The following CSMD1 variants were observed in gnomAD, a reference collection of about 807,000 sequenced individuals.
CSMD1 encodes CUB and sushi domain-containing protein 1.
Under a neutral mutation model 417.5 loss-of-function variants are expected in CSMD1, and 213 were observed. The ratio of observed to expected loss-of-function variants is 0.51; its 90% CI spans 0.46 to 0.57. The LOEUF is 0.57. CSMD1 is among the 20% of genes least tolerant of loss of function. CSMD1 has a pLI of 0.00. For synonymous variants in CSMD1, 2,862 were observed against 1,736.8 expected, an observed-to-expected ratio of 1.65 and a Z score of -16.11; for missense variants, 6,923 against 4,529.7, an observed-to-expected ratio of 1.53 and a Z score of -15.17.
At chr8:3,254,312 T>C (rs1224991296) in intron 26 of CSMD1, among the ~76,000 whole-genome samples, 2 of 152,202 alleles carry the variant, frequency 1.3e-5, no homozygotes, top group Admixed American at 6.5e-5. Context: ...TTAACATTTT[T>C]TCCTTCATTT....
At chr8:3,665,759 T>C (rs996320209) in intron 7 of CSMD1, among the ~76,000 whole-genome samples, 8 of 152,312 alleles carry the variant, frequency 5.3e-5, no homozygotes, top group Middle Eastern at 6.8e-3. Flanking sequence ...AAGGTGTTTA[T>C]CCAAGGCAGT....
In CSMD1 at chr8:4,231,233, G is replaced by A. The variant is rs553461848; in HGVS notation, c.415+188720C>T. On this transcript the variant is annotated intron_variant, in intron 3 of 69. Transcript: ENST00000635120. ...AGGCATTGTCTTATCCCTCTTTGAG[G>A]TTACTGCCGCCATCATGGAAGGAAG... Among the ~76,000 whole-genome samples the A allele has an allele frequency of 1.5e-4, 23 of 152,256 alleles. 1 individual carries two copies. Among genetic ancestry groups the A allele is most frequent in the South Asian group, 1.5e-3 (7 of 4,816 alleles).
At chr8:4,297,953 C>T (rs79954446) in intron 3 of CSMD1, among the ~76,000 whole-genome samples, 365 of 152,180 alleles carry the variant, frequency 2.4e-3, no homozygotes, top group Middle Eastern at 6.8e-3. Context: ...GGCTAGGTGA[C>T]GGATTACCTG....
intron 49 of CSMD1, among the ~76,000 whole-genome samples, chr8:3,069,328 G>A (rs910421397): frequency 9.9e-5 from 15 of 151,860 alleles, no homozygotes; most frequent in Non-Finnish European, 2.1e-4. Flanking sequence ...CCAGCTACTC[G>A]GGAGGCTAAG....
intron 37 of CSMD1, among the ~76,000 whole-genome samples, chr8:3,168,919 T>TTC (rs57348944): frequency 1.9e-4 from 28 of 150,436 alleles, no homozygotes; most frequent in African/African-American, 6.1e-4. Context: ...AAGTAAAATG[T>TTC]TCTCTCTCTC....
At chr8:3,948,350 T>C (rs962766814) in intron 5 of CSMD1, among the ~76,000 whole-genome samples, 2 of 152,130 alleles carry the variant, frequency 1.3e-5, no homozygotes, top group Non-Finnish European at 2.9e-5. Flanking sequence ...GAGGCTTTAA[T>C]AAATGACTGA....
At chr8:3,730,670 C>G (rs1802792355) in intron 6 of CSMD1, among the ~76,000 whole-genome samples, 2 of 152,178 alleles carry the variant, frequency 1.3e-5, no homozygotes, top group African/African-American at 4.8e-5. Flanking sequence ...CCTTCACCAG[C>G]ATTTACTAAC....
At chr8:4,061,050 C>A (rs1000073755) in intron 3 of CSMD1, among the ~76,000 whole-genome samples, 11 of 106,568 alleles carry the variant, frequency 1.0e-4, no homozygotes, top group Admixed American at 3.5e-4. Flanking sequence ...TTATGATGTA[C>A]AAAATGCCAT....
intron 4 of CSMD1, among the ~76,000 whole-genome samples, chr8:4,004,890 G>T (rs542687247): frequency 6.6e-6 from 1 of 151,962 alleles, no homozygotes; most frequent in Non-Finnish European, 1.5e-5. Flanking sequence ...GACTACAGGC[G>T]CCCGCCACCA....
intron 3 of CSMD1, among the ~76,000 whole-genome samples, chr8:4,369,743 A>G (rs949637639): frequency 6.6e-6 from 1 of 152,080 alleles, no homozygotes; most frequent in Admixed American, 6.6e-5. Context: ...TTTCTCTAAT[A>G]TAGAATTAGC....
chr8:3,716,843 T>C (rs768838983), intron 6 of CSMD1, among the ~76,000 whole-genome samples: 1 of 151,942 alleles, frequency 6.6e-6, no homozygotes, highest in African/African-American at 2.4e-5. Flanking sequence ...TAATAAAACA[T>C]TATCATCATC....
At chr8:4,464,754 G>A (rs189563552) in intron 2 of CSMD1, among the ~76,000 whole-genome samples, 186 of 152,220 alleles carry the variant, frequency 1.2e-3, no homozygotes, top group African/African-American at 4.0e-3. Context: ...GTTGCTTTAA[G>A]GCGAGTCCTG....
At chr8:3,547,442 A>G (rs891339123) in intron 10 of CSMD1, among the ~76,000 whole-genome samples, 2 of 152,220 alleles carry the variant, frequency 1.3e-5, no homozygotes, top group African/African-American at 4.8e-5. Flanking sequence ...ATACAGATGT[A>G]TAAACGGATC....
In CSMD1 at chr8:3,435,008, G is replaced by C. The variant is rs61174573; in HGVS notation, c.1562-25403C>G. Among the ~76,000 whole-genome samples the C allele has an allele frequency of 4.0e-3, 592 of 149,370 alleles. 3 individuals are homozygous for C. Among genetic ancestry groups the C allele is most frequent in the African/African-American group, 0.014 (568 of 41,472 alleles). On this transcript the variant is annotated intron_variant, in intron 12 of 69. Coordinates refer to ENST00000635120, the MANE Select transcript of CSMD1 (RefSeq NM_033225.6). The stretch of plus-strand genomic sequence containing the variant: ...GAGCTGGTAGCAGACAGGACAGGGA[G>C]CTGGTAGCAGACAGGACTGGGAGCT...
At chr8:4,265,983 G>A (rs1224489264) in intron 3 of CSMD1, among the ~76,000 whole-genome samples, 2 of 103,614 alleles carry the variant, frequency 1.9e-5, no homozygotes, top group Admixed American at 9.2e-5. Context: ...TGCCTACTTT[G>A]TGTGCGTTTG....
At chr8:4,837,068 G>A (rs1336356861) in intron 1 of CSMD1, among the ~76,000 whole-genome samples, 2 of 151,364 alleles carry the variant, frequency 1.3e-5, no homozygotes, top group Non-Finnish European at 2.9e-5. Context: ...CAGGGCTCTG[G>A]GACAGAAAGA....
At chr8:4,334,751 T>C (rs1328919863) in intron 3 of CSMD1, among the ~76,000 whole-genome samples, 1 of 152,192 alleles carries the variant, frequency 6.6e-6, no homozygotes. Context: ...TACGCTCGAC[T>C]CTACTGTGTA....
At chr8:3,936,559 C>G (rs865817531) in intron 5 of CSMD1, among the ~76,000 whole-genome samples, 9 of 152,084 alleles carry the variant, frequency 5.9e-5, no homozygotes, top group Non-Finnish European at 1.0e-4. Context: ...ACAACAAAGC[C>G]GGGAAGATAG....
chr8:3,097,985 A>G (rs1327336364), intron 46 of CSMD1, among the ~76,000 whole-genome samples: 1 of 152,168 alleles, frequency 6.6e-6, no homozygotes, highest in Non-Finnish European at 1.5e-5. Flanking sequence ...ATTATTATTC[A>G]ACTACTTCCA....
Sources: gnomAD v4.1 joint callset for allele counts (sites outside exome capture counted in the v4.1 genomes callset) on GRCh38, gnomAD v4.1.1 for gene constraint, MANE v1.5 for transcripts, NCBI Gene and HGNC (gene_info 2026-07-23, HGNC 2026-07-21) for gene names.